PCDH9: variants seen among roughly 807,000 people sequenced by gnomAD.
The protein encoded by PCDH9 is protocadherin-9.
In PCDH9, 24 loss-of-function variants were observed where a neutral mutation model predicts 70.6. That is an observed-to-expected ratio of 0.34 (90% CI 0.25 to 0.48). PCDH9 has a LOEUF of 0.48. Among genes scored for constraint, PCDH9 ranks in the 20% least tolerant of loss-of-function variants. The pLI, the probability that PCDH9 is intolerant of heterozygous loss-of-function variation, is 0.99. For missense variants in PCDH9, 1,281 were observed against 1,503.6 expected (o/e 0.85, Z 2.45); for synonymous variants, 562 against 558.5 (o/e 1.01, Z -0.09).
chr13:66,588,645 C>G (rs551316239), intron 4 of PCDH9, among the ~76,000 whole-genome samples: 2 of 151,636 alleles, frequency 1.3e-5, no homozygotes, highest in African/African-American at 4.8e-5. Context: ...TATACCTTGT[C>G]ATTCATTTCT....
chr13:67,042,825 G>A (rs989491053), intron 2 of PCDH9, among the ~76,000 whole-genome samples: 6 of 152,102 alleles, frequency 3.9e-5, no homozygotes, highest in African/African-American at 1.4e-4. Flanking sequence ...GCGAAACATG[G>A]AATGACACTA....
In PCDH9 at chr13:66,522,091, A is replaced by C. The variant is rs190280474; in HGVS notation, c.3340+109119T>G. Among the ~76,000 whole-genome samples, 598 of 149,514 alleles carry C rather than the reference A, an allele frequency of 4.0e-3. 3 individuals carry two copies. Among genetic ancestry groups the C allele is most frequent in the Non-Finnish European group, 5.7e-3 (386 of 67,470 alleles). On this transcript the variant is annotated intron_variant, in intron 4 of 4. Transcript: ENST00000377865. ...TTTTAAATATATATACATATATTAC[A>C]TAAGGCAGTCAAATTTCCTCCTTTG...
chr13:66,705,482 C>T (rs2078699548), intron 3 of PCDH9, among the ~76,000 whole-genome samples: 1 of 152,132 alleles, frequency 6.6e-6, no homozygotes, highest in Non-Finnish European at 1.5e-5. Flanking sequence ...CGTCCAATCC[C>T]CCATCACACC....
At chr13:66,368,775 G>A (rs1215511655) in intron 4 of PCDH9, among the ~76,000 whole-genome samples, 2 of 151,996 alleles carry the variant, frequency 1.3e-5, no homozygotes, top group Non-Finnish European at 1.5e-5. Context: ...ATGGCTGGGA[G>A]GCCTTATAAT....
At chr13:66,638,117 G>A (rs755022842) in intron 3 of PCDH9, among the ~76,000 whole-genome samples, 1 of 151,934 alleles carries the variant, frequency 6.6e-6, no homozygotes, top group Non-Finnish European at 1.5e-5. Flanking sequence ...TTATATTCTA[G>A]ACACTACTCG....
chr13:66,865,336 C>T (rs1208931018), intron 3 of PCDH9, among the ~76,000 whole-genome samples: 1 of 152,076 alleles, frequency 6.6e-6, no homozygotes, highest in Admixed American at 6.6e-5. Context: ...CCATTCAATT[C>T]CAGGATGTTG....
intron 3 of PCDH9, among the ~76,000 whole-genome samples, chr13:66,838,123 T>A (rs117257921): frequency 7.2e-5 from 11 of 152,222 alleles, no homozygotes; most frequent in South Asian, 2.1e-4. Context: ...GTATTCATGT[T>A]ACAGAACATA....
chr13:66,762,713 C>T (rs1452556984), intron 3 of PCDH9, among the ~76,000 whole-genome samples: 1 of 151,862 alleles, frequency 6.6e-6, no homozygotes, highest in African/African-American at 2.4e-5. Context: ...CCTATTCTAC[C>T]ATCTAACTCG....
At chr13:67,176,524 C>CAAA (rs71691968) in intron 2 of PCDH9, among the ~76,000 whole-genome samples, 1 of 150,718 alleles carries the variant, frequency 6.6e-6, no homozygotes, top group East Asian at 1.9e-4. Flanking sequence ...TAAAAATAAA[C>CAAA]AAAAAAAAAA....
Position 66,957,056 on chromosome 13 carries a change from A to C in PCDH9, c.3037-53451T>G, listed in dbSNP as rs943536452. The stretch of plus-strand genomic sequence containing the variant: ...CACTGAATTATAGCACCCACAATTT[A>C]ACATAACAATGCTTTGTAGTTAGAT... On this transcript the variant is annotated intron_variant, in intron 2 of 4. Transcript: ENST00000377865. Among the ~76,000 whole-genome samples the C allele has an allele frequency of 2.6e-5, 4 of 152,216 alleles. No homozygotes were observed. The South Asian group carries it at 8.3e-4, about 32-fold the overall frequency.
chr13:67,069,071 T>G (rs1231426998), intron 2 of PCDH9, among the ~76,000 whole-genome samples: 1 of 152,186 alleles, frequency 6.6e-6, no homozygotes, highest in Non-Finnish European at 1.5e-5. Flanking sequence ...TATAGTAACA[T>G]TTATATTGAA....
At chr13:66,430,856 C>T (rs999192556) in intron 4 of PCDH9, among the ~76,000 whole-genome samples, 2 of 152,034 alleles carry the variant, frequency 1.3e-5, no homozygotes, top group African/African-American at 4.8e-5. Flanking sequence ...TATAAAAGAA[C>T]CTTCTCTTCC....
At chr13:67,056,856 G>A (rs928275974) in intron 2 of PCDH9, among the ~76,000 whole-genome samples, 1 of 152,036 alleles carries the variant, frequency 6.6e-6, no homozygotes, top group African/African-American at 2.4e-5. Flanking sequence ...ATGAAGACAG[G>A]AAGGATAGAT....
chr13:66,379,221 A>G (rs531997549), intron 4 of PCDH9, among the ~76,000 whole-genome samples: 1 of 152,342 alleles, frequency 6.6e-6, no homozygotes, highest in African/African-American at 2.4e-5. Context: ...TGTGTGCTGC[A>G]CATCACAAGA....
chr13:66,445,829 C>CAG (rs530647607), intron 4 of PCDH9, among the ~76,000 whole-genome samples: 2 of 142,734 alleles, frequency 1.4e-5, no homozygotes, highest in Non-Finnish European at 3.0e-5. Context: ...CATATATACA[C>CAG]ACACACACAC....
At chr13:66,883,771 C>G (rs1337805648) in intron 3 of PCDH9, among the ~76,000 whole-genome samples, 1 of 152,156 alleles carries the variant, frequency 6.6e-6, no homozygotes, top group Non-Finnish European at 1.5e-5. Flanking sequence ...TGCTTTTCCA[C>G]AGAACACCTT....
At chr13:66,599,329 C>A (rs568584980) in intron 4 of PCDH9, among the ~76,000 whole-genome samples, 2 of 151,602 alleles carry the variant, frequency 1.3e-5, no homozygotes, top group East Asian at 1.9e-4. Context: ...ATGTAAAAAA[C>A]CAGATATATT....
intron 4 of PCDH9, among the ~76,000 whole-genome samples, chr13:66,549,996 T>C (rs1452548257): frequency 1.3e-5 from 2 of 152,072 alleles, no homozygotes; most frequent in African/African-American, 2.4e-5. Flanking sequence ...AAATACAATA[T>C]CTCATCTAAA....
chr13:66,522,997 C>T (rs1456700899), intron 4 of PCDH9, among the ~76,000 whole-genome samples: 1 of 152,052 alleles, frequency 6.6e-6, no homozygotes, highest in African/African-American at 2.4e-5. Flanking sequence ...GTTTGCTGGA[C>T]TGAAATTACA....
Sources: allele counts gnomAD v4.1 joint callset (sites outside exome capture counted in the v4.1 genomes callset), GRCh38; gene constraint gnomAD v4.1.1; transcripts MANE v1.5; gene names NCBI Gene and HGNC (gene_info 2026-07-23, HGNC 2026-07-21).